PLA2G4A: variants seen among roughly 807,000 people sequenced by gnomAD.
PLA2G4A encodes phospholipase A2 group IVA.
In PLA2G4A, 40 loss-of-function variants were observed where a neutral mutation model predicts 81.9. The ratio of observed to expected loss-of-function variants is 0.49; its 90% CI spans 0.38 to 0.64. PLA2G4A has a LOEUF of 0.64. PLA2G4A is among the 30% of genes least tolerant of loss of function. The pLI is 0.00. For synonymous variants in PLA2G4A, 302 were observed against 296.9 expected, an observed-to-expected ratio of 1.02 and a Z score of -0.18; for missense variants, 715 against 905.1, an observed-to-expected ratio of 0.79 and a Z score of 2.69.
rs1558346492 is a variant in PLA2G4A at position 186,837,749 on chromosome 1, AAAAG to A, written c.-70+8718_-70+8721del. Among the ~76,000 whole-genome samples the A allele has an allele frequency of 7.4e-5, 11 of 148,356 alleles. 1 individual carries two copies. Among genetic ancestry groups the A allele is most frequent in the African/African-American group, 1.8e-4 (7 of 39,570 alleles). On this transcript the variant is annotated intron_variant, in intron 1 of 17. Transcript: ENST00000367466. ...GAGACTCCGTCTCAAAAAAAAAAAAAAAAGAAAAAGAAAAGAAAAAAAGAAAATA... is the reference window on the plus strand; with the variant it reads ...GAGACTCCGTCTCAAAAAAAAAAAAAAAAAAGAAAAGAAAAAAAGAAAATA...
At position 186,965,730 on chromosome 1, in the gene PLA2G4A, G is replaced by A. The variant is rs1026390709; in HGVS notation, c.1764+137G>A. The A allele has an allele frequency of 2.7e-5, 20 of 729,584 alleles. No individual in the cohort carries two copies. The Middle Eastern group carries it at 1.1e-3, about 41-fold the overall frequency. The allele number at this position is 729,584 out of a possible 1,614,324, so 45.2% of individuals were successfully genotyped here. ...TCTTTATGAGTAATAGTTCTAAAAC[G>A]CAAACATGGTTCAATCAGTCTCCTG... On this transcript the variant is annotated intron_variant, in intron 15 of 17. Transcript: ENST00000367466.
chr1:186,892,967 A>T (rs759333109), intron 3 of PLA2G4A, 44 bp from the exon 4 acceptor site: 2 of 1,436,628 alleles, frequency 1.4e-6, no homozygotes, highest in Admixed American at 1.7e-5. Flanking sequence ...AGGAACTATG[A>T]ATCACATTTC....
chr1:186,869,423 T>C (rs926389317), intron 2 of PLA2G4A, among the ~76,000 whole-genome samples: 4 of 152,242 alleles, frequency 2.6e-5, no homozygotes, highest in African/African-American at 9.6e-5. Flanking sequence ...ACCTCTTTGA[T>C]GCTGTACTAT....
At chr1:186,888,239 G>A (rs967570287) in intron 3 of PLA2G4A, among the ~76,000 whole-genome samples, 2 of 152,116 alleles carry the variant, frequency 1.3e-5, no homozygotes, top group Admixed American at 1.3e-4. Context: ...CATGGTGTGG[G>A]TATTGTTTTT....
chr1:186,917,264 T>C (rs1247117997), intron 7 of PLA2G4A, among the ~76,000 whole-genome samples: 1 of 152,142 alleles, frequency 6.6e-6, no homozygotes, highest in Non-Finnish European at 1.5e-5. Flanking sequence ...TGAGATTGTT[T>C]GTGTAATTTT....
At chr1:186,903,665 T>C (rs1394351300) in intron 5 of PLA2G4A, among the ~76,000 whole-genome samples, 1 of 152,214 alleles carries the variant, frequency 6.6e-6, no homozygotes, top group Non-Finnish European at 1.5e-5. Flanking sequence ...CTTATGAGAA[T>C]ATAATGCCTG....
chr1:186,899,000 A>T (rs1654445358), intron 5 of PLA2G4A, among the ~76,000 whole-genome samples: 1 of 152,190 alleles, frequency 6.6e-6, no homozygotes, highest in Non-Finnish European at 1.5e-5. Flanking sequence ...AACAAAATGA[A>T]CAAGAATCCC....
intron 12 of PLA2G4A, among the ~76,000 whole-genome samples, chr1:186,949,344 AAG>A (rs1656457019): frequency 7.3e-6 from 1 of 137,276 alleles, no homozygotes; most frequent in East Asian, 2.2e-4. Context: ...AGAAGAAAGA[AAG>A]AGAAAGAAAG....
chr1:186,949,634 A>G (rs1557887985), intron 12 of PLA2G4A, among the ~76,000 whole-genome samples: 1 of 152,170 alleles, frequency 6.6e-6, no homozygotes, highest in African/African-American at 2.4e-5. Context: ...TCATGCCAGT[A>G]AAAACTTAAA....
intron 5 of PLA2G4A, among the ~76,000 whole-genome samples, chr1:186,898,912 A>C (rs1243672552): frequency 6.6e-6 from 1 of 152,210 alleles, no homozygotes; most frequent in African/African-American, 2.4e-5. Context: ...TTATTCATTA[A>C]TTCATTCATT....
intron 6 of PLA2G4A, 49 bp from the exon 7 acceptor site, chr1:186,911,199 C>G (rs374136848): frequency 6.3e-7 from 1 of 1,577,546 alleles, no homozygotes; most frequent in East Asian, 2.2e-5. Context: ...GATGGAAAAC[C>G]AGACCACTGG....
At chr1:186,972,445 A>G (rs575579970) in intron 15 of PLA2G4A, among the ~76,000 whole-genome samples, 3 of 152,258 alleles carry the variant, frequency 2.0e-5, no homozygotes, top group Non-Finnish European at 4.4e-5. Flanking sequence ...AATTTAGGGG[A>G]AAATGAAGGG....
chr1:186,839,645 G>C (rs377722621), intron 1 of PLA2G4A, among the ~76,000 whole-genome samples: 1 of 152,244 alleles, frequency 6.6e-6, no homozygotes, highest in South Asian at 2.1e-4. Context: ...TGAAGCAAAT[G>C]ACAGCACTTT....
At chr1:186,970,596 C>G (rs1174319745) in intron 15 of PLA2G4A, among the ~76,000 whole-genome samples, 2 of 151,840 alleles carry the variant, frequency 1.3e-5, no homozygotes, top group African/African-American at 2.4e-5. Flanking sequence ...TGTCAAGAGA[C>G]AGCAGTCTAG....
chr1:186,966,221 T>G (rs1657125625), intron 15 of PLA2G4A, among the ~76,000 whole-genome samples: 1 of 150,426 alleles, frequency 6.6e-6, no homozygotes, highest in Non-Finnish European at 1.5e-5. Context: ...ACTGTGTGTG[T>G]GGGTGGTTGG....
intron 4 of PLA2G4A, among the ~76,000 whole-genome samples, chr1:186,893,666 A>G (rs1326127921): frequency 6.6e-6 from 1 of 152,048 alleles, no homozygotes; most frequent in African/African-American, 2.4e-5. Context: ...ACTGTGGCTC[A>G]CCCCACAGCA....
At chr1:186,847,357 C>CGTGTGTGTGTGTGTGT (rs34724808) in intron 1 of PLA2G4A, among the ~76,000 whole-genome samples, 1 of 146,192 alleles carries the variant, frequency 6.8e-6, no homozygotes, top group South Asian at 2.2e-4. Context: ...TTATTTCATA[C>CGTGTGTGTGTGTGTGT]GTGTGTGTGT....
At chr1:186,979,089 G>T (rs12720690) in intron 16 of PLA2G4A, among the ~76,000 whole-genome samples, 3,196 of 152,272 alleles carry the variant, frequency 0.021, 103 homozygotes, top group African/African-American at 0.072. Context: ...TTCTACAGTT[G>T]CAGGGCAGGA....
At chr1:186,880,308 A>G (rs1373552164) in intron 3 of PLA2G4A, among the ~76,000 whole-genome samples, 2 of 152,048 alleles carry the variant, frequency 1.3e-5, no homozygotes, top group Non-Finnish European at 2.9e-5. Flanking sequence ...TTTGGAAAAG[A>G]AAATCATAAG....
Sources: gnomAD v4.1 joint callset for allele counts (sites outside exome capture counted in the v4.1 genomes callset) on GRCh38, gnomAD v4.1.1 for gene constraint, MANE v1.5 for transcripts, NCBI Gene and HGNC (gene_info 2026-07-23, HGNC 2026-07-21) for gene names.